SEC14L2: variants seen among roughly 807,000 people sequenced by gnomAD.
SEC14L2 encodes SEC14 like lipid binding 2.
In SEC14L2, 50 loss-of-function variants were observed where a neutral mutation model predicts 56.9. That is an observed-to-expected ratio of 0.88 (90% CI 0.70 to 1.11). The LOEUF (loss-of-function observed/expected upper bound fraction) is 1.11, where lower values mean the gene tolerates loss of function less well. Among genes scored for constraint, SEC14L2 ranks in the 50% most tolerant of loss-of-function variants. SEC14L2 has a pLI of 0.00. For synonymous variants in SEC14L2, 179 were observed against 188.5 expected (o/e 0.95, Z 0.41); for missense variants, 414 against 500.7 (o/e 0.83, Z 1.65).
chr22:30,409,509 T>C (rs1283805689), intron 7 of SEC14L2, 23 bp downstream of exon 7: 1 of 1,609,754 alleles, frequency 6.2e-7, no homozygotes, highest in Admixed American at 1.7e-5. Context: ...TTTCTTGTGA[T>C]AAAGCCAGAT....
intron 11 of SEC14L2, among the ~76,000 whole-genome samples, chr22:30,417,244 G>C (rs1934411724): frequency 6.6e-6 from 1 of 152,208 alleles, no homozygotes; most frequent in Non-Finnish European, 1.5e-5. Flanking sequence ...AAAGAACTCT[G>C]GGGAAATTTA....
At chr22:30,405,986 C>T (rs1453516614) in intron 2 of SEC14L2, among the ~76,000 whole-genome samples, 3 of 152,038 alleles carry the variant, frequency 2.0e-5, no homozygotes, top group African/African-American at 4.8e-5. Context: ...AAACTTTGTG[C>T]AAGGGGGAAG....
intron 11 of SEC14L2, chr22:30,421,704 G>A (rs1037269393): frequency 4.6e-5 from 7 of 152,204 alleles, no homozygotes; most frequent in Non-Finnish European, 7.3e-5. Flanking sequence ...CAGGGTCCAA[G>A]TCAGGCAGAA....
chr22:30,405,067 T>TC (rs1934055578), intron 2 of SEC14L2, among the ~76,000 whole-genome samples: 1 of 137,838 alleles, frequency 7.3e-6, no homozygotes, highest in Non-Finnish European at 1.6e-5. Context: ...CGAAATTGTC[T>TC]CAAAAAAAAA....
At chr22:30,406,732 C>G (rs1014989195) in intron 3 of SEC14L2, among the ~76,000 whole-genome samples, 4 of 152,082 alleles carry the variant, frequency 2.6e-5, no homozygotes, top group African/African-American at 9.7e-5. Context: ...CCCACCATCC[C>G]TGCTTTTTGT....
chr22:30,409,323 G>A, intron 6 of SEC14L2, 41 bp downstream of exon 6: 1 of 1,598,226 alleles, frequency 6.3e-7, no homozygotes, highest in Non-Finnish European at 8.6e-7. Flanking sequence ...AGAGGGAAGG[G>A]GAGGAGGAGT....
chr22:30,406,491 G>C (rs1446346247), intron 3 of SEC14L2, 106 bp downstream of exon 3: 4 of 1,134,534 alleles, frequency 3.5e-6, no homozygotes, highest in Non-Finnish European at 3.9e-6. Flanking sequence ...TTGGCTTTGA[G>C]TATTAGCCGA....
chr22:30,421,323 A>G (rs1601790032), intron 11 of SEC14L2: 1 of 152,240 alleles, frequency 6.6e-6, no homozygotes, highest in Non-Finnish European at 1.5e-5. Flanking sequence ...AGAATCTGGG[A>G]GTCTAAGCAG....
At chr22:30,404,535 C>G (rs1934038643) in intron 2 of SEC14L2, among the ~76,000 whole-genome samples, 2 of 152,152 alleles carry the variant, frequency 1.3e-5, no homozygotes, top group African/African-American at 4.8e-5. Context: ...CCACAGAGGA[C>G]ATACAACTGG....
chr22:30,399,477 G>A (rs1239760464), intron 1 of SEC14L2, among the ~76,000 whole-genome samples, 166 bp from the exon 2 acceptor site: 1 of 129,992 alleles, frequency 7.7e-6, no homozygotes, highest in African/African-American at 3.0e-5. Context: ...ATCGCCCACC[G>A]CACTCCAGCC....
chr22:30,417,471 A>C (rs1345362540), intron 11 of SEC14L2, among the ~76,000 whole-genome samples: 4 of 152,222 alleles, frequency 2.6e-5, no homozygotes, highest in African/African-American at 9.6e-5. Flanking sequence ...CAAAGGCTTT[A>C]TCATCAGAGC....
intron 2 of SEC14L2, among the ~76,000 whole-genome samples, chr22:30,401,885 A>G (rs1019316925): frequency 3.9e-5 from 6 of 152,204 alleles, no homozygotes; most frequent in African/African-American, 1.4e-4. Context: ...CACCACTGTG[A>G]CTGGCCCTAT....
chr22:30,419,839 A>G (rs1279552650), intron 11 of SEC14L2, among the ~76,000 whole-genome samples: 3 of 152,222 alleles, frequency 2.0e-5, no homozygotes, highest in Non-Finnish European at 2.9e-5. Flanking sequence ...TATTTTTTCA[A>G]TACATGAATG....
rs1412203491 is a variant in SEC14L2, at chr22:30,397,126, A to G, written c.10A>G (p.Arg4Gly). 12 of 1,548,134 alleles carry G rather than the reference A, an allele frequency of 7.8e-6. No individual in the cohort carries two copies. The highest frequency in any genetic ancestry group is 1.4e-5 in the African/African-American group (1 of 72,596). ...CCGCGGTTGAGCCACGATGAGCGGCAGAGTCGGCGATCTGAGCCCCAGGCA... is the reference window on the plus strand; with the variant it reads ...CCGCGGTTGAGCCACGATGAGCGGCGGAGTCGGCGATCTGAGCCCCAGGCA... Reference protein sequence around the residue: MSGRVGDLSPRQKE... With the variant: MSGGVGDLSPRQKE... The change falls in exon 1 of 12, where the codon AGA (arginine) becomes GGA (glycine). Residue 4 changes from arginine (R) to glycine (G), a missense_variant. Arg to Gly is a moderately radical substitution (Grantham distance 125). Coordinates refer to ENST00000615189, the MANE Select transcript of SEC14L2 (RefSeq NM_012429.5).
rs539133947 is a variant in SEC14L2 at position 30,397,190 on chromosome 22, C to T, written c.54+20C>T. 26 of 1,510,340 alleles carry T rather than the reference C, an allele frequency of 1.7e-5. No individual in the cohort carries two copies. The highest frequency in any genetic ancestry group is 4.2e-5 in the African/African-American group (3 of 70,600). The allele number at this position is 1,510,340 out of a possible 1,614,324, so 93.6% of individuals were successfully genotyped here. ...GCCAAGGTGAGCTGTAGCCCTGGCCCGGGCTCCCGCCTCGGGCTGTGGCCC... is the reference window on the plus strand; with the variant it reads ...GCCAAGGTGAGCTGTAGCCCTGGCCTGGGCTCCCGCCTCGGGCTGTGGCCC... On this transcript the variant is annotated intron_variant, in intron 1 of 11. Transcript: ENST00000615189.
chr22:30,400,529 T>C (rs1933897396), intron 2 of SEC14L2: 1 of 152,236 alleles, frequency 6.6e-6, no homozygotes, highest in African/African-American at 2.4e-5. Flanking sequence ...TGTGCCACCC[T>C]CCCTGATTCT....
chr22:30,403,178 TG>T (rs1310172908), intron 2 of SEC14L2, among the ~76,000 whole-genome samples: 2 of 152,176 alleles, frequency 1.3e-5, no homozygotes, highest in African/African-American at 4.8e-5. Flanking sequence ...ACGGGCAGAA[TG>T]TCTGTCCCTA....
intron 11 of SEC14L2, among the ~76,000 whole-genome samples, chr22:30,418,451 G>C (rs975807799): frequency 6.6e-6 from 1 of 152,170 alleles, no homozygotes; most frequent in Non-Finnish European, 1.5e-5. Context: ...CCATTTTCCA[G>C]CATCTGCCCA....
intron 2 of SEC14L2, among the ~76,000 whole-genome samples, chr22:30,402,173 G>T (rs1933957445): frequency 6.6e-6 from 1 of 152,146 alleles, no homozygotes; most frequent in Admixed American, 6.5e-5. Flanking sequence ...ATCAGTTCAG[G>T]CTGGAGGAAA....
Sources: allele counts gnomAD v4.1 joint callset (sites outside exome capture counted in the v4.1 genomes callset), GRCh38; gene constraint gnomAD v4.1.1; transcripts MANE v1.5; gene names NCBI Gene and HGNC (gene_info 2026-07-23, HGNC 2026-07-21).